TSPAN7: variants seen among roughly 807,000 people sequenced by gnomAD.
TSPAN7 encodes the protein tetraspanin 7, also known as tetraspanin-7.
TSPAN7 carries 1 observed loss-of-function variant against 17.6 expected under a neutral mutation model. That is an observed-to-expected ratio of 0.06 (90% CI 0.02 to 0.27). The LOEUF is 0.27. Ranked by LOEUF, TSPAN7 falls within the 10% of genes least tolerant of loss-of-function variation. The pLI, the probability that TSPAN7 is intolerant of heterozygous loss-of-function variation, is 1.00. For missense variants in TSPAN7, 112 were observed against 201.7 expected, an observed-to-expected ratio of 0.56 and a Z score of 2.69; for synonymous variants, 78 against 79.0, an observed-to-expected ratio of 0.99 and a Z score of 0.07.
At chrX:38,595,781 C>A (rs2069316359) in intron 1 of TSPAN7, among the ~76,000 whole-genome samples, 1 of 111,765 alleles carries the variant, frequency 8.9e-6, no homozygotes, top group African/African-American at 3.2e-5. Flanking sequence ...GAATCAGTGG[C>A]CTGAAAGAAT....
intron 1 of TSPAN7, among the ~76,000 whole-genome samples, chrX:38,659,001 TACACACACACACAC>T (rs71903430): frequency 0.37 from 35,712 of 95,951 alleles, 5,777 homozygotes; most frequent in Middle Eastern, 0.58. Flanking sequence ...TTATCTTCCA[TACACACACACACAC>T]ACACACACAC....
At chrX:38,657,135 A>G (rs1219495482) in intron 1 of TSPAN7, among the ~76,000 whole-genome samples, 10 of 111,539 alleles carry the variant, frequency 9.0e-5, no homozygotes, top group African/African-American at 2.9e-4. Context: ...CTCTTTTCCC[A>G]GTGTGATATA....
intron 1 of TSPAN7, among the ~76,000 whole-genome samples, chrX:38,614,285 G>A (rs2069440592): frequency 8.9e-6 from 1 of 111,859 alleles, no homozygotes; most frequent in Non-Finnish European, 1.9e-5. Flanking sequence ...ACACCTTTGT[G>A]CCAGGTACTG....
intron 1 of TSPAN7, among the ~76,000 whole-genome samples, chrX:38,567,560 C>T (rs1007532975): frequency 1.7e-4 from 19 of 112,355 alleles, no homozygotes; most frequent in African/African-American, 6.1e-4. Flanking sequence ...CCATATCAGG[C>T]ACATACTTTA....
intron 1 of TSPAN7, among the ~76,000 whole-genome samples, chrX:38,659,436 C>A: frequency 9.0e-6 from 1 of 111,637 alleles, no homozygotes; most frequent in Non-Finnish European, 1.9e-5. Context: ...TTCAGCGTGA[C>A]TGAGTGTGTC....
intron 1 of TSPAN7, among the ~76,000 whole-genome samples, chrX:38,641,144 T>A (rs1302880180): frequency 1.8e-5 from 2 of 111,985 alleles, no homozygotes; most frequent in African/African-American, 6.5e-5. Flanking sequence ...GTACACAACC[T>A]CCCAGTGGGA....
At chrX:38,642,796 C>T (rs1010259916) in intron 1 of TSPAN7, among the ~76,000 whole-genome samples, 1 of 111,528 alleles carries the variant, frequency 9.0e-6, no homozygotes, top group Non-Finnish European at 1.9e-5. Context: ...GTTTATTTAA[C>T]CACTCCTTAC....
intron 1 of TSPAN7, among the ~76,000 whole-genome samples, chrX:38,647,422 T>G (rs1207860618): frequency 8.9e-6 from 1 of 112,239 alleles, no homozygotes; most frequent in Non-Finnish European, 1.9e-5. Flanking sequence ...CAGCCTTGTC[T>G]GTGATACAAA....
At chrX:38,611,034 C>T (rs919183607) in intron 1 of TSPAN7, among the ~76,000 whole-genome samples, 6 of 111,851 alleles carry the variant, frequency 5.4e-5, no homozygotes, top group Admixed American at 9.5e-5. Context: ...GAAGGCAGGC[C>T]GCATCTCAGC....
chrX:38,569,997 A>G, intron 1 of TSPAN7, among the ~76,000 whole-genome samples: 1 of 112,094 alleles, frequency 8.9e-6, no homozygotes, highest in South Asian at 3.7e-4. Flanking sequence ...TCTAAGTTGG[A>G]ACAGACTTAC....
chrX:38,582,356 T>G (rs1442245608), intron 1 of TSPAN7, among the ~76,000 whole-genome samples: 2 of 112,113 alleles, frequency 1.8e-5, no homozygotes, highest in Non-Finnish European at 3.8e-5. Context: ...TTTCTTAAGT[T>G]ATATTAGTTA....
intron 3 of TSPAN7, among the ~76,000 whole-genome samples, chrX:38,673,810 T>A (rs1362003568): frequency 9.0e-6 from 1 of 111,587 alleles, no homozygotes; most frequent in Non-Finnish European, 1.9e-5. Context: ...AGTCATCCTG[T>A]CCACCCAAGT....
chrX:38,590,362 C>T (rs2069284269), intron 1 of TSPAN7, among the ~76,000 whole-genome samples: 1 of 112,156 alleles, frequency 8.9e-6, no homozygotes, highest in South Asian at 3.7e-4. Context: ...CATCAATTTT[C>T]ATGGGGGTTG....
intron 1 of TSPAN7, among the ~76,000 whole-genome samples, chrX:38,600,813 T>A (rs1322959255): frequency 9.0e-6 from 1 of 111,731 alleles, no homozygotes; most frequent in Non-Finnish European, 1.9e-5. Context: ...GGCATTACAT[T>A]AGCACCTCTC....
At chrX:38,625,602 T>A (rs1227758303) in intron 1 of TSPAN7, among the ~76,000 whole-genome samples, 1 of 111,938 alleles carries the variant, frequency 8.9e-6, no homozygotes, top group East Asian at 2.8e-4. Context: ...TGAGGGTTTA[T>A]CTGTTTGAGC....
intron 1 of TSPAN7, among the ~76,000 whole-genome samples, chrX:38,582,217 A>G (rs2069231352): frequency 8.9e-6 from 1 of 112,616 alleles, no homozygotes; most frequent in African/African-American, 3.2e-5. Context: ...TAAAAAAGAA[A>G]TTCCTCCCAG....
intron 1 of TSPAN7, among the ~76,000 whole-genome samples, chrX:38,664,600 G>A (rs1174191700): frequency 1.8e-5 from 2 of 112,217 alleles, no homozygotes; most frequent in South Asian, 7.4e-4. Context: ...CAACCTCCAC[G>A]GGGCCACTTT....
At chrX:38,619,001 A>G (rs2069472988) in intron 1 of TSPAN7, among the ~76,000 whole-genome samples, 1 of 111,922 alleles carries the variant, frequency 8.9e-6, no homozygotes, top group South Asian at 3.8e-4. Context: ...TTTCATCCCT[A>G]TCTTGTCTTT....
At position 38,644,930 on chromosome X, in the gene TSPAN7, C is replaced by T. The variant is rs952112163; in HGVS notation, c.82-21191C>T. On this transcript the variant is annotated intron_variant, in intron 1 of 7. Coordinates refer to ENST00000378482, the MANE Select transcript of TSPAN7 (RefSeq NM_004615.4). ...GGTCACTTGCCAAAGGTCTCCCGGCCGGTAAGTGGTGTGGAACAGGATTAT... is the reference window on the plus strand; with the variant it reads ...GGTCACTTGCCAAAGGTCTCCCGGCTGGTAAGTGGTGTGGAACAGGATTAT... Among the ~76,000 whole-genome samples, 10 of 111,887 alleles carry T rather than the reference C, an allele frequency of 8.9e-5. No homozygotes were observed. In the Admixed American group the frequency reaches 9.4e-4, roughly 11 times the overall value.
Sources: gnomAD v4.1 joint callset for allele counts (sites outside exome capture counted in the v4.1 genomes callset) on GRCh38, gnomAD v4.1.1 for gene constraint, MANE v1.5 for transcripts, NCBI Gene and HGNC (gene_info 2026-07-23, HGNC 2026-07-21) for gene names.